Variants in CPS1 observed in about 807,000 individuals in gnomAD.
CPS1 encodes carbamoyl-phosphate synthase 1.
A neutral mutation model predicts 174.6 loss-of-function variants in CPS1; 109 were observed. The ratio of observed to expected loss-of-function variants is 0.62; its 90% CI spans 0.53 to 0.73. The LOEUF (loss-of-function observed/expected upper bound fraction) is 0.73. CPS1 is among the 30% of genes least tolerant of loss of function. The probability of loss-of-function intolerance (pLI) is 0.00; values close to 1 mark genes in which losing one functional copy is unlikely to be tolerated. For missense variants in CPS1, 1,689 were observed against 1,821.9 expected (o/e 0.93, Z 1.33); for synonymous variants, 637 against 632.0 (o/e 1.01, Z -0.12).
chr2:210,531,920 A>G (rs781344907), intron 1 of CPS1, among the ~76,000 whole-genome samples: 6 of 152,174 alleles, frequency 3.9e-5, no homozygotes, highest in Non-Finnish European at 8.8e-5. Flanking sequence ...GGGAAAATGT[A>G]TACTTCCATG....
intron 23 of CPS1, among the ~76,000 whole-genome samples, chr2:210,639,456 C>A (rs1194744146): frequency 6.7e-6 from 1 of 149,916 alleles, no homozygotes; most frequent in Non-Finnish European, 1.5e-5. Flanking sequence ...ACTAAAAATA[C>A]AAAAAATTAG....
intron 16 of CPS1, among the ~76,000 whole-genome samples, chr2:210,602,555 G>T (rs1373559072): frequency 6.6e-6 from 1 of 151,856 alleles, no homozygotes; most frequent in Non-Finnish European, 1.5e-5. Context: ...GTAAACCAGT[G>T]GTCACTTTAC....
At position 210,648,529 on chromosome 2, in the gene CPS1, C is replaced by A. The variant is rs1435221896; in HGVS notation, c.3393C>A (p.Ser1131=). The A allele has an allele frequency of 1.2e-6, 2 of 1,613,356 alleles. No homozygotes were observed. The highest frequency in any genetic ancestry group is 2.2e-5 in the South Asian group (2 of 91,066). Residue 1131 remains serine (S), a synonymous_variant, in exon 27 of 38, where the codon TCC becomes TCA. Transcript: ENST00000233072. ...SVDYPCLLRP[S]YVLSGSAMNV... is the part of the protein sequence containing the mutation. Reference sequence around the variant, plus strand: ...ACTACCCCTGCTTGTTGAGGCCTTCCTATGTTTTGAGGTAACACTGTATAT... The same window carrying A: ...ACTACCCCTGCTTGTTGAGGCCTTCATATGTTTTGAGGTAACACTGTATAT...
chr2:210,622,269 A>G (rs969967813), intron 21 of CPS1, among the ~76,000 whole-genome samples: 4 of 151,750 alleles, frequency 2.6e-5, no homozygotes, highest in Non-Finnish European at 4.4e-5. Context: ...ATTTGTGTAT[A>G]CCATAGATGA....
Position 210,649,016 on chromosome 2 carries a change from T to C in CPS1, c.3404+476T>C, listed in dbSNP as rs577259379. On this transcript the variant is annotated intron_variant, in intron 27 of 37. Coordinates refer to ENST00000233072, the MANE Select transcript of CPS1 (RefSeq NM_001875.5). ...AGGAACAGGAACAGTGAGGATCTTT[T>C]ATATTAAACTTTAAAACAAAGTTTT... Among the ~76,000 whole-genome samples, 7 of 152,352 alleles carry C rather than the reference T, an allele frequency of 4.6e-5. No individual in the cohort carries two copies. The East Asian group carries it at 1.3e-3, about 29-fold the overall frequency.
Position 210,677,990 on chromosome 2 carries a change from G to T in CPS1, c.*5G>T. 1.3e-6 allele frequency: 2 copies of T among 1,598,994 alleles called. No individual in the cohort carries two copies. Among genetic ancestry groups the T allele is most frequent in the South Asian group, 2.2e-5 (2 of 90,794 alleles). Reference sequence around the variant, plus strand: ...AGTGCTGGAAAAGCAGCATAGAGATGCAGACACCCCAGCCCCATTATTAAA... The same window carrying T: ...AGTGCTGGAAAAGCAGCATAGAGATTCAGACACCCCAGCCCCATTATTAAA... On this transcript the variant is annotated 3_prime_UTR_variant, in exon 38 of 38. Coordinates refer to ENST00000233072, the MANE Select transcript of CPS1 (RefSeq NM_001875.5).
chr2:210,529,645 C>T (rs976899971), intron 1 of CPS1, among the ~76,000 whole-genome samples: 1 of 151,924 alleles, frequency 6.6e-6, no homozygotes. Flanking sequence ...TTTTTGCTTA[C>T]TCTTCACTAT....
intron 1 of CPS1, among the ~76,000 whole-genome samples, chr2:210,570,927 C>A (rs184661580): frequency 6.6e-6 from 1 of 151,870 alleles, no homozygotes; most frequent in Non-Finnish European, 1.5e-5. Flanking sequence ...TTTAGAAATA[C>A]ACTGAATACT....
chr2:210,600,617 G>A lies in CPS1; in HGVS notation c.1612G>A (p.Val538Ile), dbSNP rs761343774. ...EYGVKVLGTS[V>I]ESIMATEDRQ... ...TGGTGTGAAAGTCCTGGGAACTTCA[G>A]TTGAGTCCATTATGGCTACGGAAGA... is the stretch of plus-strand genomic sequence containing the variant. Residue 538 changes from valine to isoleucine, a missense_variant, in exon 15 of 38, where the codon GTT (valine) becomes ATT (isoleucine). Coordinates refer to ENST00000233072, the MANE Select transcript of CPS1 (RefSeq NM_001875.5). 3.7e-6 allele frequency: 6 copies of A among 1,612,246 alleles called. No individual in the cohort carries two copies. The highest frequency in any genetic ancestry group is 1.6e-4 in the Middle Eastern group (1 of 6,066).
At chr2:210,587,521 A>T (rs917889488) in intron 6 of CPS1, among the ~76,000 whole-genome samples, 1 of 151,994 alleles carries the variant, frequency 6.6e-6, no homozygotes, top group Non-Finnish European at 1.5e-5. Flanking sequence ...CGGCAACCTA[A>T]AGGGACTGGT....
At chr2:210,674,799 C>A in intron 34 of CPS1, 103 bp from the exon 35 acceptor site, 1 of 960,034 alleles carries the variant, frequency 1.0e-6, no homozygotes. Context: ...AAGCATCCGG[C>A]AACATGTAAC....
intron 8 of CPS1, 110 bp downstream of exon 8, chr2:210,590,344 G>A (rs948432250): frequency 2.0e-6 from 3 of 1,501,608 alleles, no homozygotes; most frequent in African/African-American, 1.4e-5. Context: ...TTTCAATGCT[G>A]GTATTTGTGA....
rs1339181885 is a variant in CPS1 at position 210,573,386 on chromosome 2, T to A, written c.215T>A (p.Val72Asp). Reference sequence around the variant, plus strand: ...CCATCCTCTGTTGCTGGTGAAGTGGTTTTTAATACTGGCCTGGGAGGGTGA... The same window carrying A: ...CCATCCTCTGTTGCTGGTGAAGTGGATTTTAATACTGGCCTGGGAGGGTGA... ...GHPSSVAGEVVFNTGLGGYPE... is the reference protein window; with the variant it reads ...GHPSSVAGEVDFNTGLGGYPE... The change falls in exon 2 of 38, where the codon GTT becomes GAT. Residue 72 changes from valine to aspartate, a missense_variant. Physicochemically the swap from Val to Asp is radical, Grantham distance 152 (BLOSUM62 -3). Transcript: ENST00000233072. 6.2e-7 allele frequency: 1 copy of A among 1,612,584 alleles called. No individual in the cohort carries two copies. Among genetic ancestry groups the A allele is most frequent in the Non-Finnish European group, 8.5e-7 (1 of 1,178,838 alleles).
intron 1 of CPS1, among the ~76,000 whole-genome samples, chr2:210,479,332 T>C (rs1286562191): frequency 6.8e-6 from 1 of 147,720 alleles, no homozygotes; most frequent in Non-Finnish European, 1.5e-5. Flanking sequence ...ATTCTTTCTT[T>C]TTTTTTTTTT....
chr2:210,667,712 A>T (rs1295569968), intron 33 of CPS1, among the ~76,000 whole-genome samples: 2 of 152,204 alleles, frequency 1.3e-5, no homozygotes, highest in African/African-American at 4.8e-5. Flanking sequence ...CTCCAAACCA[A>T]TTCAGCAGTT....
chr2:210,546,304 G>A (rs1317698726), intron 1 of CPS1, among the ~76,000 whole-genome samples: 2 of 152,110 alleles, frequency 1.3e-5, no homozygotes, highest in African/African-American at 4.8e-5. Context: ...AACAGAGACA[G>A]TGAAGATACT....
intron 1 of CPS1, among the ~76,000 whole-genome samples, chr2:210,526,193 G>A (rs1695968071): frequency 6.6e-6 from 1 of 151,814 alleles, no homozygotes. Context: ...GAGAACCCAT[G>A]GACACAGGGA....
chr2:210,607,413 A>G (rs1698955942), intron 18 of CPS1, among the ~76,000 whole-genome samples: 1 of 151,954 alleles, frequency 6.6e-6, no homozygotes, highest in Non-Finnish European at 1.5e-5. Context: ...TTCACAAGTA[A>G]CTGTTACAAC....
chr2:210,611,095 G>A (rs753718060), intron 19 of CPS1, among the ~76,000 whole-genome samples: 2 of 151,856 alleles, frequency 1.3e-5, no homozygotes, highest in Non-Finnish European at 2.9e-5. Flanking sequence ...ATACCACTAT[G>A]ACTTGCAAAT....
Sources: allele counts gnomAD v4.1 joint callset (sites outside exome capture counted in the v4.1 genomes callset), GRCh38; gene constraint gnomAD v4.1.1; transcripts MANE v1.5; gene names NCBI Gene and HGNC (gene_info 2026-07-23, HGNC 2026-07-21).